GRIN3A: variants seen among roughly 807,000 people sequenced by gnomAD.
GRIN3A encodes glutamate ionotropic receptor NMDA type subunit 3A, also known as glutamate receptor ionotropic, NMDA 3A.
In GRIN3A, 47 loss-of-function variants were observed where a neutral mutation model predicts 92.4. The observed-to-expected ratio is 0.51, with a 90% CI of 0.40 to 0.65. GRIN3A has a LOEUF of 0.65. Among genes scored for constraint, GRIN3A ranks in the 30% least tolerant of loss-of-function variants. GRIN3A has a pLI of 0.00. For synonymous variants in GRIN3A, 527 were observed against 540.6 expected (o/e 0.97, Z 0.35); for missense variants, 1,324 against 1,393.1 (o/e 0.95, Z 0.79).
intron 2 of GRIN3A, among the ~76,000 whole-genome samples, chr9:101,677,003 C>G (rs1282150903): frequency 6.6e-6 from 1 of 151,466 alleles, no homozygotes; most frequent in African/African-American, 2.4e-5. Flanking sequence ...GCATTTGTCA[C>G]AAGTTCACAC....
chr9:101,587,052 G>A (rs760204988), intron 6 of GRIN3A, among the ~76,000 whole-genome samples: 16 of 152,196 alleles, frequency 1.1e-4, no homozygotes, highest in Admixed American at 2.0e-4. Flanking sequence ...GCTCACGCCT[G>A]TAATCCTAAC....
intron 5 of GRIN3A, among the ~76,000 whole-genome samples, chr9:101,622,039 G>T (rs963476728): frequency 6.6e-6 from 1 of 152,160 alleles, no homozygotes; most frequent in African/African-American, 2.4e-5. Flanking sequence ...GACCACTACT[G>T]CTAATTGCCT....
At chr9:101,671,634 A>T in intron 2 of GRIN3A, among the ~76,000 whole-genome samples, 1 of 152,210 alleles carries the variant, frequency 6.6e-6, no homozygotes, top group Non-Finnish European at 1.5e-5. Context: ...TAACATTAGA[A>T]AATAGCCAAA....
intron 1 of GRIN3A, among the ~76,000 whole-genome samples, chr9:101,702,840 A>G (rs1270438588): frequency 3.9e-5 from 6 of 152,184 alleles, no homozygotes; most frequent in African/African-American, 1.4e-4. Flanking sequence ...TGACTGCACC[A>G]TCACTCACAC....
At chr9:101,724,283 C>G (rs537296801) in intron 1 of GRIN3A, among the ~76,000 whole-genome samples, 8 of 152,178 alleles carry the variant, frequency 5.3e-5, no homozygotes, top group African/African-American at 1.9e-4. Context: ...TAAGGCCCGG[C>G]GAGAAATCAA....
At chr9:101,624,641 T>A (rs1013563984) in intron 4 of GRIN3A, among the ~76,000 whole-genome samples, 3 of 152,168 alleles carry the variant, frequency 2.0e-5, no homozygotes, top group African/African-American at 7.2e-5. Flanking sequence ...ACATTTGGGT[T>A]GGTTCCAAGT....
intron 3 of GRIN3A, among the ~76,000 whole-genome samples, chr9:101,645,704 T>A (rs1321837994): frequency 6.8e-6 from 1 of 147,886 alleles, no homozygotes; most frequent in South Asian, 2.1e-4. Flanking sequence ...ATATATAAAA[T>A]ATATATATTA....
At chr9:101,580,988 A>C (rs1035689033) in intron 6 of GRIN3A, among the ~76,000 whole-genome samples, 1 of 152,256 alleles carries the variant, frequency 6.6e-6, no homozygotes, top group South Asian at 2.1e-4. Context: ...TTAGCCATTG[A>C]CATCAATGAC....
At chr9:101,676,379 G>A (rs1175832976) in intron 2 of GRIN3A, among the ~76,000 whole-genome samples, 2 of 151,198 alleles carry the variant, frequency 1.3e-5, no homozygotes, top group African/African-American at 2.4e-5. Context: ...GTACTACAAG[G>A]CCTTAAAATT....
At chr9:101,607,661 C>T (rs1374588199) in intron 6 of GRIN3A, among the ~76,000 whole-genome samples, 4 of 152,146 alleles carry the variant, frequency 2.6e-5, no homozygotes, top group African/African-American at 7.2e-5. Flanking sequence ...TTAAGGCACT[C>T]GCCAAAAGTA....
Position 101,623,393 on chromosome 9 carries a change from C to A in GRIN3A, c.2539G>T (p.Ala847Ser), listed in dbSNP as rs769207466. The A allele has an allele frequency of 1.5e-5, 24 of 1,613,676 alleles. No individual in the cohort carries two copies. In the Admixed American group the frequency reaches 4.0e-4, roughly 27 times the overall value. ...ATTGACACTTCATAATCCAGAAGGG[C>A]TTTGTCCATGATGAAGGCGTCTAGT... ...EKLDAFIMDK[A>S]LLDYEVSIDA... The change falls in exon 5 of 9, where the codon GCC becomes TCC. Residue 847 changes from alanine to serine, a missense_variant. Ala to Ser is a moderately conservative substitution (Grantham distance 99). Transcript: ENST00000361820.
chr9:101,724,459 C>T (rs55938207), intron 1 of GRIN3A, among the ~76,000 whole-genome samples: 1,963 of 152,230 alleles, frequency 0.013, 20 homozygotes, highest in South Asian at 0.028. Context: ...CTGACCTGCG[C>T]GCGCAGCCCT....
intron 1 of GRIN3A, among the ~76,000 whole-genome samples, chr9:101,721,974 A>C (rs1830018516): frequency 6.6e-6 from 1 of 152,232 alleles, no homozygotes; most frequent in South Asian, 2.1e-4. Context: ...AATAAGTAGC[A>C]GAGAGCCTAA....
Position 101,698,423 on chromosome 9 carries a change from C to A in GRIN3A, c.700-11223G>T, listed in dbSNP as rs10123334. ...CAGGGACCTTGAGAGATCCTTATTA[C>A]AGTCGTGCGTCACTTAACGATGAGG... is the stretch of plus-strand genomic sequence containing the variant. On this transcript the variant is annotated intron_variant, in intron 1 of 8. Coordinates refer to ENST00000361820, the MANE Select transcript of GRIN3A (RefSeq NM_133445.3). 8.9e-3 allele frequency among the ~76,000 whole-genome samples: 1,353 copies of A among 152,266 alleles called. 22 individuals are homozygous for A. Among genetic ancestry groups the A allele is most frequent in the African/African-American group, 0.031 (1,287 of 41,542 alleles).
At chr9:101,704,156 TA>T (rs78969089) in intron 1 of GRIN3A, among the ~76,000 whole-genome samples, 64,684 of 151,708 alleles carry the variant, frequency 0.43, 14,015 homozygotes, top group South Asian at 0.47. Context: ...TAGCTGTTAT[TA>T]AAAAAAAATC....
intron 2 of GRIN3A, among the ~76,000 whole-genome samples, chr9:101,680,177 A>G (rs1025608738): frequency 5.3e-5 from 8 of 152,358 alleles, no homozygotes; most frequent in Non-Finnish European, 8.8e-5. Flanking sequence ...TAACATGGTC[A>G]CAATGCCACT....
intron 6 of GRIN3A, among the ~76,000 whole-genome samples, chr9:101,605,482 A>G (rs962755821): frequency 2.6e-5 from 4 of 152,214 alleles, no homozygotes; most frequent in African/African-American, 9.6e-5. Context: ...CTTAAAAACA[A>G]CCATTTAAAC....
intron 1 of GRIN3A, among the ~76,000 whole-genome samples, chr9:101,699,257 C>T (rs1427397826): frequency 6.6e-6 from 1 of 152,078 alleles, no homozygotes; most frequent in Non-Finnish European, 1.5e-5. Flanking sequence ...CCACCTCTAC[C>T]TCTTCTCCCA....
chr9:101,671,094 T>C lies in GRIN3A; in HGVS notation c.1318A>G (p.Thr440Ala), dbSNP rs1303062273. The C allele has an allele frequency of 1.2e-6, 2 of 1,613,308 alleles. No individual in the cohort carries two copies. Among genetic ancestry groups the C allele is most frequent in the African/African-American group, 1.3e-5 (1 of 74,896 alleles). ...GAACCACTGAGGCCTCTGAAAGTGG[T>C]ATTGGCTAGAAACCTGGGAAAGAGG... ...GQYLSRFLAN[T>A]TFRGLSGSIR... Residue 440 changes from threonine (T) to alanine (A), a missense_variant, in exon 3 of 9, where the codon ACC becomes GCC. Coordinates refer to ENST00000361820, the MANE Select transcript of GRIN3A (RefSeq NM_133445.3).
Sources: allele counts gnomAD v4.1 joint callset (sites outside exome capture counted in the v4.1 genomes callset), GRCh38; gene constraint gnomAD v4.1.1; transcripts MANE v1.5; gene names NCBI Gene and HGNC (gene_info 2026-07-23, HGNC 2026-07-21).